The following DTD1 variants were observed in gnomAD, a reference collection of about 807,000 sequenced individuals.
The protein encoded by DTD1 is D-tyrosyl-tRNA deacylase 1 homolog.
In DTD1, 13 loss-of-function variants were observed where a neutral mutation model predicts 25.6. That is an observed-to-expected ratio of 0.51 (90% confidence interval 0.33 to 0.81). DTD1 has a LOEUF of 0.81. Ranked by LOEUF, DTD1 falls within the 30% of genes least tolerant of loss-of-function variation. The probability of loss-of-function intolerance (pLI) is 0.02; values close to 1 mark genes in which losing one functional copy is unlikely to be tolerated. For missense variants in DTD1, 193 were observed against 266.4 expected (o/e 0.72, Z 1.92); for synonymous variants, 110 against 103.6 (o/e 1.06, Z -0.37).
intron 4 of DTD1, among the ~76,000 whole-genome samples, chr20:18,703,316 A>G (rs2061112971): frequency 6.6e-6 from 1 of 151,964 alleles, no homozygotes; most frequent in Non-Finnish European, 1.5e-5. Flanking sequence ...GGTCGTGTGG[A>G]GACCTGTCTT....
At chr20:18,674,705 G>A (rs1406639596) in intron 4 of DTD1, 1 of 152,522 alleles carries the variant, frequency 6.6e-6, no homozygotes, top group African/African-American at 2.4e-5. Flanking sequence ...CCTCCCGTCT[G>A]TCACAGGGGA....
intron 5 of DTD1, among the ~76,000 whole-genome samples, chr20:18,759,199 G>A (rs1195332123): frequency 6.6e-6 from 1 of 152,160 alleles, no homozygotes; most frequent in Non-Finnish European, 1.5e-5. Flanking sequence ...CGATTTGCCA[G>A]TCTGTGTCTT....
intron 4 of DTD1, among the ~76,000 whole-genome samples, chr20:18,733,332 A>G (rs2061245183): frequency 6.6e-6 from 1 of 152,184 alleles, no homozygotes; most frequent in Admixed American, 6.5e-5. Context: ...CCTTAAGCAG[A>G]AAGGGGCAGG....
chr20:18,696,649 G>A (rs1295885117), intron 4 of DTD1, among the ~76,000 whole-genome samples: 1 of 151,974 alleles, frequency 6.6e-6, no homozygotes, highest in Non-Finnish European at 1.5e-5. Context: ...CCGCCTCCCG[G>A]GTTCAAGTGA....
At chr20:18,712,294 A>T (rs978868405) in intron 4 of DTD1, among the ~76,000 whole-genome samples, 2 of 151,926 alleles carry the variant, frequency 1.3e-5, no homozygotes, top group Non-Finnish European at 2.9e-5. Context: ...TAGCACAAGA[A>T]TAAGCTCATA....
At chr20:18,701,436 G>C (rs745548521) in intron 4 of DTD1, among the ~76,000 whole-genome samples, 8 of 152,222 alleles carry the variant, frequency 5.3e-5, no homozygotes, top group Non-Finnish European at 1.0e-4. Flanking sequence ...CCAGACCCTG[G>C]CCATATGTTT....
chr20:18,618,942 A>C (rs2060721558), intron 3 of DTD1, among the ~76,000 whole-genome samples: 1 of 152,052 alleles, frequency 6.6e-6, no homozygotes, highest in Admixed American at 6.6e-5. Flanking sequence ...CGAACTCTTG[A>C]TCTCAGGTAC....
chr20:18,670,379 C>T (rs1238627545), intron 4 of DTD1, among the ~76,000 whole-genome samples: 1 of 152,264 alleles, frequency 6.6e-6, no homozygotes, highest in African/African-American at 2.4e-5. Flanking sequence ...TTGCCTGAAC[C>T]CAGGAGGCGG....
At chr20:18,636,327 AGTGATTTACCAGGAGCTTCACAGTCCCGG>A (rs1403737886) in intron 4 of DTD1, among the ~76,000 whole-genome samples, 3 of 152,208 alleles carry the variant, frequency 2.0e-5, no homozygotes, top group Non-Finnish European at 2.9e-5. Flanking sequence ...TAGCTTGTTA[AGTGATTTACCAGGAGCTTCACAGTCCCGG>A]GTAATTGTAG....
chr20:18,661,655 G>A (rs1041625400), intron 4 of DTD1, among the ~76,000 whole-genome samples: 1 of 152,194 alleles, frequency 6.6e-6, no homozygotes, highest in Admixed American at 6.5e-5. Flanking sequence ...AGAGGCGTGA[G>A]CCACTGCACC....
intron 5 of DTD1, among the ~76,000 whole-genome samples, chr20:18,756,115 GTTGT>G (rs1307421600): frequency 2.0e-5 from 3 of 152,052 alleles, no homozygotes; most frequent in Non-Finnish European, 4.4e-5. Context: ...TTTTGATGGG[GTTGT>G]TTGTTTTTTC....
chr20:18,679,581 C>G (rs2060988921), intron 4 of DTD1, among the ~76,000 whole-genome samples: 1 of 152,152 alleles, frequency 6.6e-6, no homozygotes, highest in Non-Finnish European at 1.5e-5. Flanking sequence ...GAGAACTGAC[C>G]TAATCAAACT....
intron 5 of DTD1, among the ~76,000 whole-genome samples, chr20:18,753,616 A>AAAAAAAAAAAAAAAAAAAAAAAC (rs2061328903): frequency 6.6e-6 from 1 of 150,792 alleles, no homozygotes; most frequent in Non-Finnish European, 1.5e-5. Flanking sequence ...TCAAAAAAAA[A>AAAAAAAAAAAAAAAAAAAAAAAC]AAAAAAGACG....
chr20:18,596,736 T>C (rs1436029974), intron 3 of DTD1, among the ~76,000 whole-genome samples: 1 of 152,146 alleles, frequency 6.6e-6, no homozygotes, highest in Non-Finnish European at 1.5e-5. Context: ...TTCTCTTTTT[T>C]TTTTTTCTAA....
At chr20:18,632,298 T>G (rs996592217) in intron 4 of DTD1, 8 of 985,354 alleles carry the variant, frequency 8.1e-6, no homozygotes, top group Non-Finnish European at 9.6e-6. Flanking sequence ...CAAATTGTCT[T>G]GCATCAACTT....
At chr20:18,641,872 AT>A (rs2060829874) in intron 4 of DTD1, among the ~76,000 whole-genome samples, 1 of 152,136 alleles carries the variant, frequency 6.6e-6, no homozygotes, top group South Asian at 2.1e-4. Context: ...TTCTGATGAA[AT>A]CCAATTCGTC....
rs183747416 is a variant in DTD1, at chr20:18,694,594, G to A, written c.478-49506G>A. The stretch of plus-strand genomic sequence containing the variant: ...TAATAAGCAACCTCAGCTAGAGGCC[G>A]CGGGAAGGGGAGGCCTTTACTGGGA... On this transcript the variant is annotated intron_variant, in intron 4 of 5. Transcript: ENST00000377452. Among the ~76,000 whole-genome samples, 561 of 152,286 alleles carry A rather than the reference G, an allele frequency of 3.7e-3. 3 individuals carry two copies. Among genetic ancestry groups the A allele is most frequent in the African/African-American group, 0.013 (543 of 41,562 alleles).
At chr20:18,737,934 G>A (rs1025205862) in intron 4 of DTD1, among the ~76,000 whole-genome samples, 2 of 152,182 alleles carry the variant, frequency 1.3e-5, no homozygotes, top group East Asian at 1.9e-4. Context: ...ACAAGTGTGC[G>A]GCTACAGAGG....
chr20:18,756,701 T>C (rs930332504), intron 5 of DTD1, among the ~76,000 whole-genome samples: 18 of 151,728 alleles, frequency 1.2e-4, no homozygotes, highest in Non-Finnish European at 2.5e-4. Flanking sequence ...AGTCAGGTAG[T>C]GTGATGCCTC....
Sources: allele counts gnomAD v4.1 joint callset (sites outside exome capture counted in the v4.1 genomes callset), GRCh38; gene constraint gnomAD v4.1.1; transcripts MANE v1.5; gene names NCBI Gene and HGNC (gene_info 2026-07-23, HGNC 2026-07-21).